Variants in FUT8 observed in about 807,000 individuals in gnomAD.
The protein encoded by FUT8 is fucosyltransferase 8.
Under a neutral mutation model 71.3 loss-of-function variants are expected in FUT8, and 29 were observed. The ratio of observed to expected loss-of-function variants is 0.41; its 90% CI spans 0.30 to 0.55. The LOEUF (loss-of-function observed/expected upper bound fraction) is 0.55. Ranked by LOEUF, FUT8 falls within the 20% of genes least tolerant of loss-of-function variation. The probability of loss-of-function intolerance (pLI) is 0.34; values close to 1 mark genes in which losing one functional copy is unlikely to be tolerated. For synonymous variants in FUT8, 254 were observed against 239.3 expected, an observed-to-expected ratio of 1.06 and a Z score of -0.57; for missense variants, 544 against 702.1, an observed-to-expected ratio of 0.77 and a Z score of 2.55.
intron 3 of FUT8, among the ~76,000 whole-genome samples, chr14:65,573,562 C>T (rs920494580): frequency 6.6e-6 from 1 of 151,778 alleles, no homozygotes; most frequent in South Asian, 2.1e-4. Flanking sequence ...TTGTGGCATA[C>T]AAAAGGGGGT....
chr14:65,481,071 C>CT lies in FUT8; in HGVS notation c.-228+25354dup, dbSNP rs200400283. 8.1e-4 allele frequency among the ~76,000 whole-genome samples: 124 copies of CT among 152,246 alleles called. 2 individuals carry two copies. The East Asian group carries it at 0.022, about 28-fold the overall frequency. Reference sequence around the variant, plus strand: ...ACACCATTTTACATTTCCATCAGCACTGCACAGGGTTCTAATTTCAGCACA... The same window carrying CT: ...ACACCATTTTACATTTCCATCAGCACTTGCACAGGGTTCTAATTTCAGCACA... On this transcript the variant is annotated intron_variant, in intron 2 of 10. Coordinates refer to ENST00000673929, the MANE Select transcript of FUT8 (RefSeq NM_001371533.1).
At chr14:65,614,372 T>C (rs1217100763) in intron 3 of FUT8, among the ~76,000 whole-genome samples, 1 of 152,258 alleles carries the variant, frequency 6.6e-6, no homozygotes, top group Non-Finnish European at 1.5e-5. Context: ...ATTTAATCTT[T>C]AGGACAATTT....
In FUT8 at chr14:65,692,017, G is replaced by A. The variant is rs1386393709; in HGVS notation, c.835+22537G>A. On this transcript the variant is annotated intron_variant, in intron 7 of 10. Transcript: ENST00000673929. ...TGTCTACTTCTTTCTACACAGACAC[G>A]GCAACCATCCGATTTCTCAATCTTT... Among the ~76,000 whole-genome samples, 752 of 151,424 alleles carry A rather than the reference G, an allele frequency of 5.0e-3. 2 individuals are homozygous for A. Among genetic ancestry groups the A allele is most frequent in the African/African-American group, 0.013 (520 of 41,216 alleles).
At chr14:65,564,363 C>A (rs1886076990) in intron 3 of FUT8, among the ~76,000 whole-genome samples, 1 of 151,940 alleles carries the variant, frequency 6.6e-6, no homozygotes, top group South Asian at 2.1e-4. Flanking sequence ...TTTCTAGATT[C>A]AAGTCAATAA....
In FUT8 at chr14:65,600,363, A is replaced by G. The variant is rs1000394354; in HGVS notation, c.204-15615A>G. On this transcript the variant is annotated intron_variant, in intron 3 of 10. Coordinates refer to ENST00000673929, the MANE Select transcript of FUT8 (RefSeq NM_001371533.1). ...AAGTAGTCAGTGATTTGTTTGTGTT[A>G]CTTCATTTATGCAAAAAATATTAAT... Among the ~76,000 whole-genome samples, 4 of 152,138 alleles carry G rather than the reference A, an allele frequency of 2.6e-5. No homozygotes were observed. The South Asian group carries it at 6.2e-4, about 24-fold the overall frequency.
chr14:65,468,905 C>G (rs540156265), intron 2 of FUT8, among the ~76,000 whole-genome samples: 23 of 151,972 alleles, frequency 1.5e-4, no homozygotes, highest in African/African-American at 5.6e-4. Flanking sequence ...TCAAGTGATT[C>G]TCCCTCCTCA....
In FUT8 at chr14:65,728,307, A is replaced by G. The variant is rs922678336; in HGVS notation, c.1259+3984A>G. ...TACTCAGGACTGGGCAATTTACAAA[A>G]GAAAGAGGTTTAATGGACTTACAGT... On this transcript the variant is annotated intron_variant, in intron 9 of 10. Transcript: ENST00000673929. Among the ~76,000 whole-genome samples the G allele has an allele frequency of 5.9e-5, 9 of 152,260 alleles. 1 individual carries two copies.
Position 65,724,214 on chromosome 14 carries a change from G to T in FUT8, c.1150G>T (p.Val384Leu), listed in dbSNP as rs545502242. The T allele has an allele frequency of 1.2e-6, 2 of 1,613,590 alleles. No homozygotes were observed. Among genetic ancestry groups the T allele is most frequent in the Non-Finnish European group, 1.7e-6 (2 of 1,179,838 alleles). The change falls in exon 9 of 11, where the codon GTG becomes TTG. Residue 384 changes from valine to leucine, a missense_variant. Transcript: ENST00000673929. ...AAFHPIEEYM[V>L]HVEEHFQLLA... ...CTTCCATCCCATTGAAGAGTACATG[G>T]TGCATGTTGAAGAACATTTTCAGCT... is the stretch of plus-strand genomic sequence containing the variant.
chr14:65,592,735 G>C (rs1460239099), intron 3 of FUT8, among the ~76,000 whole-genome samples: 2 of 152,132 alleles, frequency 1.3e-5, no homozygotes, highest in African/African-American at 4.8e-5. Flanking sequence ...TCTGCAGTCT[G>C]TTGAGTTATT....
At chr14:65,492,751 A>G (rs911229447) in intron 2 of FUT8, among the ~76,000 whole-genome samples, 2 of 152,172 alleles carry the variant, frequency 1.3e-5, no homozygotes, top group African/African-American at 2.4e-5. Flanking sequence ...GTAAATGTCT[A>G]TAATATATGA....
chr14:65,521,395 ACTTTT>A (rs1020693081), intron 2 of FUT8, among the ~76,000 whole-genome samples: 9 of 152,238 alleles, frequency 5.9e-5, no homozygotes, highest in East Asian at 1.9e-4. Flanking sequence ...CAATATTTAT[ACTTTT>A]CTTTAAGTAT....
chr14:65,368,781 C>T, the FUT8 span, among the ~76,000 whole-genome samples: 151 of 152,048 alleles, frequency 9.9e-4, no homozygotes, highest in Middle Eastern at 3.4e-3. Flanking sequence ...CTCGGCCTCT[C>T]AAAGTGCTGG....
chr14:65,580,422 A>G (rs1028858267), intron 3 of FUT8, among the ~76,000 whole-genome samples: 3 of 151,768 alleles, frequency 2.0e-5, no homozygotes, highest in African/African-American at 7.3e-5. Flanking sequence ...GACTAAATAT[A>G]TATATATGTG....
At chr14:65,729,038 T>TG (rs1309144036) in intron 9 of FUT8, among the ~76,000 whole-genome samples, 2 of 130,650 alleles carry the variant, frequency 1.5e-5, no homozygotes, top group African/African-American at 5.4e-5. Context: ...AAACATGTTT[T>TG]TTTTTTTTTT....
At chr14:65,449,765 T>C (rs2065794785) in intron 1 of FUT8, among the ~76,000 whole-genome samples, 1 of 152,234 alleles carries the variant, frequency 6.6e-6, no homozygotes, top group African/African-American at 2.4e-5. Context: ...CCTATTTCAC[T>C]GTGGAAAGCT....
chr14:65,672,524 A>G (rs1241110674), intron 7 of FUT8, among the ~76,000 whole-genome samples: 2 of 152,162 alleles, frequency 1.3e-5, no homozygotes, highest in African/African-American at 2.4e-5. Flanking sequence ...CGGGGGCATG[A>G]TCCTAGCTCA....
intron 7 of FUT8, among the ~76,000 whole-genome samples, chr14:65,670,730 A>C (rs1351344932): frequency 6.6e-6 from 1 of 152,154 alleles, no homozygotes; most frequent in East Asian, 1.9e-4. Flanking sequence ...CCTTTGAAAA[A>C]AAATCGGTAA....
At chr14:65,661,764 T>C (rs1891976269) in intron 6 of FUT8, among the ~76,000 whole-genome samples, 1 of 152,248 alleles carries the variant, frequency 6.6e-6, no homozygotes, top group Non-Finnish European at 1.5e-5. Context: ...AGTGCCTAAG[T>C]AGTAGAAGAA....
At chr14:65,678,240 A>G (rs1297175188) in intron 7 of FUT8, among the ~76,000 whole-genome samples, 1 of 152,172 alleles carries the variant, frequency 6.6e-6, no homozygotes, top group Non-Finnish European at 1.5e-5. Context: ...CATTAATGAA[A>G]CTCAGAGCTA....
Sources: gnomAD v4.1 joint callset for allele counts (sites outside exome capture counted in the v4.1 genomes callset) on GRCh38, gnomAD v4.1.1 for gene constraint, MANE v1.5 for transcripts, NCBI Gene and HGNC (gene_info 2026-07-23, HGNC 2026-07-21) for gene names.